Variants in RUNX1T1 observed in about 807,000 individuals in gnomAD.
RUNX1T1 encodes protein CBFA2T1.
In RUNX1T1, 4 loss-of-function variants were observed where a neutral mutation model predicts 62.8. The observed-to-expected ratio is 0.06, with a 90% CI of 0.03 to 0.15. The LOEUF (loss-of-function observed/expected upper bound fraction) is 0.15, where lower values mean the gene tolerates loss of function less well. Among genes scored for constraint, RUNX1T1 ranks in the 10% least tolerant of loss-of-function variants. RUNX1T1 has a pLI of 1.00. For synonymous variants in RUNX1T1, 291 were observed against 286.0 expected (o/e 1.02, Z -0.18); for missense variants, 508 against 754.3 (o/e 0.67, Z 3.82).
intron 1 of RUNX1T1, among the ~76,000 whole-genome samples, chr8:92,090,833 A>G (rs1484621668): frequency 6.6e-6 from 1 of 152,236 alleles, no homozygotes; most frequent in Non-Finnish European, 1.5e-5. Flanking sequence ...AACTATGGCA[A>G]GAGTCTCAGA....
At chr8:91,964,593 T>G (rs1811188167) in intron 10 of RUNX1T1, among the ~76,000 whole-genome samples, 1 of 152,132 alleles carries the variant, frequency 6.6e-6, no homozygotes, top group Non-Finnish European at 1.5e-5. Context: ...ATAAATAATT[T>G]TCACAGTAAA....
intron 1 of RUNX1T1, among the ~76,000 whole-genome samples, chr8:92,050,956 A>C (rs1307589758): frequency 6.6e-6 from 1 of 152,132 alleles, no homozygotes; most frequent in African/African-American, 2.4e-5. Context: ...CTCTGTCACT[A>C]AATCTTCCCA....
At chr8:92,020,778 T>A (rs938642597) in intron 1 of RUNX1T1, among the ~76,000 whole-genome samples, 5 of 151,344 alleles carry the variant, frequency 3.3e-5, no homozygotes, top group African/African-American at 1.2e-4. Context: ...GATTTCAATA[T>A]CCAGTTCAGT....
chr8:92,060,963 AC>A, intron 1 of RUNX1T1, among the ~76,000 whole-genome samples: 1 of 152,214 alleles, frequency 6.6e-6, no homozygotes, highest in African/African-American at 2.4e-5. Flanking sequence ...CAGTGCCCAC[AC>A]TTCAGGCTAT....
chr8:91,956,818 C>T (rs987098244), downstream of RUNX1T1: 1 of 216,750 alleles, frequency 4.6e-6, no homozygotes, highest in Non-Finnish European at 9.3e-6. Flanking sequence ...TTCAAATCTG[C>T]ATTTCAACAG....
At chr8:92,031,040 T>C (rs1001328874) in intron 1 of RUNX1T1, among the ~76,000 whole-genome samples, 2 of 152,232 alleles carry the variant, frequency 1.3e-5, no homozygotes, top group Non-Finnish European at 2.9e-5. Context: ...CCTCCTCCTA[T>C]ATTTCAATCT....
chr8:92,030,352 A>G (rs1240034705), intron 1 of RUNX1T1, among the ~76,000 whole-genome samples: 1 of 152,184 alleles, frequency 6.6e-6, no homozygotes, highest in Non-Finnish European at 1.5e-5. Flanking sequence ...TTCTTATCAT[A>G]TCAACTCAGT....
At chr8:92,059,142 T>G (rs1831500838) in intron 1 of RUNX1T1, among the ~76,000 whole-genome samples, 1 of 152,174 alleles carries the variant, frequency 6.6e-6, no homozygotes, top group Non-Finnish European at 1.5e-5. Flanking sequence ...ATAATCTACA[T>G]TTATAATTGG....
chr8:92,071,727 A>G (rs576986943), intron 2 of RUNX1T1, among the ~76,000 whole-genome samples: 20 of 151,996 alleles, frequency 1.3e-4, no homozygotes, highest in African/African-American at 4.6e-4. Flanking sequence ...GTTTTCACAC[A>G]CTCCCAGCCT....
At chr8:92,059,020 G>C (rs1355121036) in intron 1 of RUNX1T1, among the ~76,000 whole-genome samples, 2 of 152,102 alleles carry the variant, frequency 1.3e-5, no homozygotes, top group African/African-American at 4.8e-5. Flanking sequence ...GAACTAAAAG[G>C]CCAAGTACTC....
At chr8:91,971,379 T>G (rs1812793090) in intron 9 of RUNX1T1, among the ~76,000 whole-genome samples, 1 of 151,922 alleles carries the variant, frequency 6.6e-6, no homozygotes. Context: ...TATAGGAGGG[T>G]CCACAGGTCA....
chr8:91,960,162 A>C, exon 11 of RUNX1T1: 4 of 1,439,044 alleles, frequency 2.8e-6, no homozygotes, highest in Non-Finnish European at 3.8e-6. Flanking sequence ...AACAAAAAAA[A>C]CAACTTTGAG....
At position 92,001,894 on chromosome 8, in the gene RUNX1T1, A is replaced by G. The variant is rs576748821; in HGVS notation, c.659+3222T>C. 2.2e-4 allele frequency among the ~76,000 whole-genome samples: 33 copies of G among 152,344 alleles called. No homozygotes were observed. The East Asian group carries it at 6.2e-3, about 29-fold the overall frequency. ...CCATTCTGCAGTCTCAAAGAAAGAA[A>G]GCATTATCTAACAGTTCTTTTCCCT... On this transcript the variant is annotated intron_variant, in intron 5 of 10. Coordinates refer to ENST00000396218, the Ensembl canonical transcript of RUNX1T1.
intron 1 of RUNX1T1, among the ~76,000 whole-genome samples, chr8:92,056,809 T>C (rs1831118203): frequency 6.6e-6 from 1 of 152,122 alleles, no homozygotes; most frequent in Admixed American, 6.5e-5. Flanking sequence ...TCTGCCAAGG[T>C]GTTGAATATA....
upstream of RUNX1T1, chr8:92,103,203 G>C (rs1808456473): frequency 3.1e-6 from 1 of 317,920 alleles, no homozygotes; most frequent in South Asian, 1.4e-4. Context: ...TTCTGTTGTT[G>C]CTGCTGTGGC....
chr8:91,980,105 A>C (rs925475593), intron 8 of RUNX1T1, among the ~76,000 whole-genome samples: 1 of 152,112 alleles, frequency 6.6e-6, no homozygotes, highest in Non-Finnish European at 1.5e-5. Flanking sequence ...AGAAGCTAGC[A>C]ACTGCTTTAG....
upstream of RUNX1T1, chr8:92,103,330 G>C (rs1245149061): frequency 5.2e-6 from 1 of 192,606 alleles, no homozygotes; most frequent in African/African-American, 2.3e-5. Flanking sequence ...CAGGGCGGCC[G>C]GGCGTCCGCC....
At chr8:91,989,591 G>C (rs887342365) in intron 6 of RUNX1T1, among the ~76,000 whole-genome samples, 7 of 152,106 alleles carry the variant, frequency 4.6e-5, no homozygotes, top group African/African-American at 1.4e-4. Context: ...TAGTGCACTG[G>C]AACTAATATT....
intron 1 of RUNX1T1, among the ~76,000 whole-genome samples, chr8:92,024,646 G>A (rs1203960346): frequency 6.6e-6 from 1 of 151,722 alleles, no homozygotes; most frequent in African/African-American, 2.4e-5. Flanking sequence ...TGTAGCATCT[G>A]ACACTTCCCT....
Sources: gnomAD v4.1 joint callset for allele counts (sites outside exome capture counted in the v4.1 genomes callset) on GRCh38, gnomAD v4.1.1 for gene constraint, MANE v1.5 for transcripts, NCBI Gene and HGNC (gene_info 2026-07-23, HGNC 2026-07-21) for gene names.